QNG1: variants seen among roughly 807,000 people sequenced by gnomAD.
QNG1 encodes the protein queuosine 5'-phosphate N-glycosylase/hydrolase.
chr9:83,938,451 A>G, the QNG1 span: 1 of 152,132 alleles, frequency 6.6e-6, no homozygotes, highest in Non-Finnish European at 1.5e-5. Flanking sequence ...ATAAAGTGTC[A>G]AGATTGATTT....
At chr9:83,950,907 G>A in the QNG1 span, among the ~76,000 whole-genome samples, 744 of 152,046 alleles carry the variant, frequency 4.9e-3, 5 homozygotes, top group Non-Finnish European at 7.8e-3. Flanking sequence ...GGACAGTTAA[G>A]TTTTTTGAAA....
the QNG1 span, among the ~76,000 whole-genome samples, chr9:83,942,655 T>TACA: frequency 6.6e-6 from 1 of 152,260 alleles, no homozygotes; most frequent in Non-Finnish European, 1.5e-5. Context: ...ACATTACATT[T>TACA]ACAGTTTGTT....
the QNG1 span, among the ~76,000 whole-genome samples, chr9:83,942,379 T>C: frequency 6.8e-4 from 104 of 152,322 alleles, 1 homozygote; most frequent in African/African-American, 2.5e-3. Context: ...ATTGTTAGTC[T>C]TTATAATTGG....
At chr9:83,955,711 A>G in the QNG1 span, 1 of 1,432,208 alleles carries the variant, frequency 7.0e-7, no homozygotes, top group Non-Finnish European at 9.6e-7. Flanking sequence ...TGCTTTTACA[A>G]CATGGAATTA....
the QNG1 span, among the ~76,000 whole-genome samples, chr9:83,945,834 C>T: frequency 6.6e-6 from 1 of 151,976 alleles, no homozygotes; most frequent in African/African-American, 2.4e-5. Flanking sequence ...GATCTCCTGA[C>T]CTTGTGATCT....
At chr9:83,949,325 C>G in the QNG1 span, among the ~76,000 whole-genome samples, 1 of 152,172 alleles carries the variant, frequency 6.6e-6, no homozygotes, top group Non-Finnish European at 1.5e-5. Flanking sequence ...AACCAGGTTT[C>G]TAGTTCAAGT....
At chr9:83,945,957 T>C in the QNG1 span, among the ~76,000 whole-genome samples, 1 of 152,126 alleles carries the variant, frequency 6.6e-6, no homozygotes, top group South Asian at 2.1e-4. Context: ...GTTTCTTAAA[T>C]TAAAACACGT....
chr9:83,940,109 A>G, the QNG1 span, among the ~76,000 whole-genome samples: 1 of 152,190 alleles, frequency 6.6e-6, no homozygotes. Context: ...GATACCAGAA[A>G]TAAAATTATT....
chr9:83,948,517 G>T, the QNG1 span, among the ~76,000 whole-genome samples: 2 of 142,522 alleles, frequency 1.4e-5, no homozygotes, highest in African/African-American at 2.6e-5. Flanking sequence ...CCGGGAGGGG[G>T]GGGGCGCCTC....
chr9:83,952,147 G>A, the QNG1 span, among the ~76,000 whole-genome samples: 1 of 151,514 alleles, frequency 6.6e-6, no homozygotes, highest in Admixed American at 6.6e-5. Context: ...ACCACGCCTG[G>A]CTAGTTTTTA....
chr9:83,941,068 G>A, the QNG1 span, among the ~76,000 whole-genome samples: 53 of 152,294 alleles, frequency 3.5e-4, no homozygotes, highest in African/African-American at 1.2e-3. Flanking sequence ...GGAGGCAGAC[G>A]CTCCCACCCG....
chr9:83,947,474 T>A, the QNG1 span, among the ~76,000 whole-genome samples: 1 of 152,216 alleles, frequency 6.6e-6, no homozygotes, highest in Non-Finnish European at 1.5e-5. Flanking sequence ...CTAAATAAAT[T>A]AAAACTTCTA....
the QNG1 span, among the ~76,000 whole-genome samples, chr9:83,952,531 C>A: frequency 6.6e-6 from 1 of 152,106 alleles, no homozygotes; most frequent in African/African-American, 2.4e-5. Flanking sequence ...TGCGGTGGCT[C>A]ACGCCTGTAA....
the QNG1 span, among the ~76,000 whole-genome samples, chr9:83,950,010 A>G: frequency 6.6e-6 from 1 of 151,028 alleles, no homozygotes; most frequent in Non-Finnish European, 1.5e-5. Flanking sequence ...TAAGGGAGGA[A>G]TCAAAAATAA....
At chr9:83,956,522 G>A in the QNG1 span, 37 of 1,514,142 alleles carry the variant, frequency 2.4e-5, no homozygotes, top group African/African-American at 4.5e-4. Flanking sequence ...GGACCCGGCG[G>A]GCCAAACTCT....
chr9:83,952,284 C>A, the QNG1 span, among the ~76,000 whole-genome samples: 1 of 152,176 alleles, frequency 6.6e-6, no homozygotes, highest in African/African-American at 2.4e-5. Context: ...ATGCCTGGCC[C>A]ATTTTGGGGA....
chr9:83,956,442 T>G, the QNG1 span: 3 of 1,550,600 alleles, frequency 1.9e-6, no homozygotes, highest in African/African-American at 4.1e-5. Context: ...AATAAACACA[T>G]CCCGACTGTT....
At chr9:83,944,427 A>C in the QNG1 span, among the ~76,000 whole-genome samples, 1 of 152,216 alleles carries the variant, frequency 6.6e-6, no homozygotes, top group Admixed American at 6.5e-5. Flanking sequence ...AAGCCAATTC[A>C]TATTACCTAT....
the QNG1 span, chr9:83,956,134 G>A: frequency 1.2e-6 from 2 of 1,601,536 alleles, no homozygotes; most frequent in Non-Finnish European, 1.7e-6. Flanking sequence ...CTCAAAGGCC[G>A]TTAGGTCCGA....
Sources: allele counts gnomAD v4.1 joint callset (sites outside exome capture counted in the v4.1 genomes callset), GRCh38; gene constraint gnomAD v4.1.1; transcripts MANE v1.5; gene names NCBI Gene and HGNC (gene_info 2026-07-23, HGNC 2026-07-21).